MSRA: variants seen among roughly 807,000 people sequenced by gnomAD.
The protein encoded by MSRA is mitochondrial peptide methionine sulfoxide reductase.
Under a neutral mutation model 31.3 loss-of-function variants are expected in MSRA, and 54 were observed. That is an observed-to-expected ratio of 1.73 (90% CI 1.39 to 2.17). The LOEUF (loss-of-function observed/expected upper bound fraction) is 2.17, where lower values mean the gene tolerates loss of function less well. Among genes scored for constraint, MSRA ranks in the 30% most tolerant of loss-of-function variants. The probability of loss-of-function intolerance (pLI) is 0.00; values close to 1 mark genes in which losing one functional copy is unlikely to be tolerated. For missense variants in MSRA, 507 were observed against 300.9 expected, an observed-to-expected ratio of 1.69 and a Z score of -5.07; for synonymous variants, 169 against 116.5, an observed-to-expected ratio of 1.45 and a Z score of -2.90.
chr8:10,291,530 A>G lies in MSRA; in HGVS notation c.332-10004A>G, dbSNP rs146510969. ...AGGATTTTTTTTTTATAATGAGTAC[A>G]TTGTTGGAAATCACATTTTCTATCC... On this transcript the variant is annotated intron_variant, in intron 3 of 5. Transcript: ENST00000317173. Among the ~76,000 whole-genome samples, 314 of 152,206 alleles carry G rather than the reference A, an allele frequency of 2.1e-3. 1 individual carries two copies. Among genetic ancestry groups the G allele is most frequent in the African/African-American group, 7.0e-3 (291 of 41,524 alleles).
At chr8:10,316,892 C>T (rs962271954) in intron 4 of MSRA, among the ~76,000 whole-genome samples, 2 of 152,116 alleles carry the variant, frequency 1.3e-5, no homozygotes, top group Non-Finnish European at 2.9e-5. Flanking sequence ...CCCTACTTTC[C>T]AGCAGAAGGT....
chr8:10,269,840 A>G (rs1229106830), intron 3 of MSRA, among the ~76,000 whole-genome samples: 5 of 151,986 alleles, frequency 3.3e-5, no homozygotes, highest in African/African-American at 7.3e-5. Context: ...TTTAGTAGAG[A>G]CGGGGTTTCA....
intron 3 of MSRA, among the ~76,000 whole-genome samples, chr8:10,259,557 C>T (rs895724121): frequency 6.6e-6 from 1 of 152,148 alleles, no homozygotes. Flanking sequence ...AGTCACTGTC[C>T]CTCCCTTTCC....
At chr8:10,221,524 G>A (rs369132199) in intron 2 of MSRA, among the ~76,000 whole-genome samples, 19 of 151,962 alleles carry the variant, frequency 1.3e-4, no homozygotes, top group African/African-American at 4.6e-4. Context: ...CCAGGGTCAG[G>A]CTACTAGTTA....
chr8:10,124,713 T>C (rs1801376407), intron 1 of MSRA, among the ~76,000 whole-genome samples: 1 of 152,244 alleles, frequency 6.6e-6, no homozygotes, highest in Non-Finnish European at 1.5e-5. Context: ...CCTGAAATTT[T>C]GCAAGAAATC....
intron 5 of MSRA, among the ~76,000 whole-genome samples, chr8:10,351,768 G>C (rs1234675581): frequency 2.6e-5 from 4 of 152,222 alleles, no homozygotes; most frequent in Admixed American, 6.5e-5. Context: ...AAACTTTCAT[G>C]TTCACCGAAG....
chr8:10,173,305 T>C (rs866013727), intron 1 of MSRA, among the ~76,000 whole-genome samples: 12 of 152,222 alleles, frequency 7.9e-5, no homozygotes, highest in Non-Finnish European at 1.3e-4. Flanking sequence ...TGAAAAATTG[T>C]GTCAGCAATA....
intron 1 of MSRA, among the ~76,000 whole-genome samples, chr8:10,091,404 T>C (rs923403594): frequency 2.6e-5 from 4 of 152,198 alleles, no homozygotes; most frequent in African/African-American, 4.8e-5. Context: ...TATTGCAGAA[T>C]CTTATTTTTA....
intron 5 of MSRA, among the ~76,000 whole-genome samples, chr8:10,345,558 A>C (rs1369800281): frequency 6.6e-6 from 1 of 152,242 alleles, no homozygotes; most frequent in Non-Finnish European, 1.5e-5. Context: ...GATTGGAAGA[A>C]TCTTCAAAGT....
intron 1 of MSRA, among the ~76,000 whole-genome samples, chr8:10,094,567 C>G (rs1254821824): frequency 6.6e-6 from 1 of 152,148 alleles, no homozygotes. Flanking sequence ...CAATTTGAGA[C>G]CTTGAGTTAT....
At chr8:10,387,343 G>A (rs767981680) in intron 5 of MSRA, among the ~76,000 whole-genome samples, 1 of 152,156 alleles carries the variant, frequency 6.6e-6, no homozygotes, top group Non-Finnish European at 1.5e-5. Flanking sequence ...CCCCTTGAAG[G>A]TTTGAATCTG....
At chr8:10,342,707 C>G (rs1323523118) in intron 5 of MSRA, among the ~76,000 whole-genome samples, 2 of 152,180 alleles carry the variant, frequency 1.3e-5, no homozygotes. Context: ...AACCTGAGCC[C>G]CAAAGAGGTA....
chr8:10,403,220 G>A (rs1161359001), intron 5 of MSRA, among the ~76,000 whole-genome samples: 2 of 152,196 alleles, frequency 1.3e-5, no homozygotes, highest in East Asian at 3.9e-4. Flanking sequence ...TGAGACTAAC[G>A]AAACAGCTTT....
intron 2 of MSRA, among the ~76,000 whole-genome samples, chr8:10,240,592 T>C (rs1812324014): frequency 6.6e-6 from 1 of 152,178 alleles, no homozygotes; most frequent in Admixed American, 6.5e-5. Flanking sequence ...GATTTCCTAA[T>C]TCTTCCTCTT....
At chr8:10,224,801 TG>T (rs756948645) in intron 2 of MSRA, among the ~76,000 whole-genome samples, 3 of 152,222 alleles carry the variant, frequency 2.0e-5, no homozygotes, top group Non-Finnish European at 4.4e-5. Context: ...TAGTCTGACA[TG>T]TAAGGTTCTG....
intron 2 of MSRA, among the ~76,000 whole-genome samples, chr8:10,216,400 TA>T (rs1329131744): frequency 1.3e-5 from 2 of 151,708 alleles, no homozygotes; most frequent in Non-Finnish European, 2.9e-5. Flanking sequence ...ACTTCATTTT[TA>T]AAAAATTGTG....
chr8:10,303,938 A>G (rs1177076394), intron 4 of MSRA, among the ~76,000 whole-genome samples: 1 of 151,842 alleles, frequency 6.6e-6, no homozygotes, highest in Non-Finnish European at 1.5e-5. Context: ...TTTGTTTTTT[A>G]TTTTATTATT....
At chr8:10,421,559 T>C (rs538609804) in intron 5 of MSRA, among the ~76,000 whole-genome samples, 1 of 152,238 alleles carries the variant, frequency 6.6e-6, no homozygotes, top group East Asian at 1.9e-4. Context: ...AGAATCTCGG[T>C]GATCCTAATC....
At chr8:10,417,752 T>TG (rs1274022171) in intron 5 of MSRA, among the ~76,000 whole-genome samples, 79 of 25,392 alleles carry the variant, frequency 3.1e-3, no homozygotes, top group African/African-American at 0.012. Flanking sequence ...TAAACCTGCA[T>TG]GTTGTGTGTG....
Sources: gnomAD v4.1 joint callset for allele counts (sites outside exome capture counted in the v4.1 genomes callset) on GRCh38, gnomAD v4.1.1 for gene constraint, MANE v1.5 for transcripts, NCBI Gene and HGNC (gene_info 2026-07-23, HGNC 2026-07-21) for gene names.